Variants in PPP1R12A observed in about 807,000 individuals in gnomAD.
The protein encoded by PPP1R12A is protein phosphatase 1 regulatory subunit 12A.
In PPP1R12A, 19 loss-of-function variants were observed where a neutral mutation model predicts 139.6. That is an observed-to-expected ratio of 0.14 (90% CI 0.09 to 0.20). The LOEUF (loss-of-function observed/expected upper bound fraction) is 0.20, where lower values mean the gene tolerates loss of function less well. Among genes scored for constraint, PPP1R12A ranks in the 10% least tolerant of loss-of-function variants. PPP1R12A has a pLI of 1.00. For synonymous variants in PPP1R12A, 427 were observed against 420.6 expected (o/e 1.02, Z -0.19); for missense variants, 925 against 1,211.5 (o/e 0.76, Z 3.51).
At chr12:79,879,806 T>C (rs1165181674) in intron 1 of PPP1R12A, among the ~76,000 whole-genome samples, 1 of 152,092 alleles carries the variant, frequency 6.6e-6, no homozygotes, top group Non-Finnish European at 1.5e-5. Context: ...TATGTGAAAT[T>C]TCACTGAATT....
chr12:79,790,389 C>T, intron 20 of PPP1R12A, 78 bp downstream of exon 20: 1 of 1,015,948 alleles, frequency 9.8e-7, no homozygotes, highest in Non-Finnish European at 1.4e-6. Context: ...TTACAAAATC[C>T]ATAAATTCCT....
intron 1 of PPP1R12A, among the ~76,000 whole-genome samples, chr12:79,926,398 C>T (rs1184861745): frequency 6.6e-6 from 1 of 152,064 alleles, no homozygotes; most frequent in African/African-American, 2.4e-5. Flanking sequence ...GCCATGTTGG[C>T]CAGGTTGATC....
chr12:79,781,636 A>G (rs1179257442), intron 23 of PPP1R12A, among the ~76,000 whole-genome samples, 179 bp downstream of exon 23: 1 of 152,106 alleles, frequency 6.6e-6, no homozygotes, highest in Non-Finnish European at 1.5e-5. Flanking sequence ...AGGTCATTTC[A>G]TACCTAGAGA....
chr12:79,825,544 A>G (rs564620995), intron 5 of PPP1R12A: 1 of 151,992 alleles, frequency 6.6e-6, no homozygotes, highest in East Asian at 1.9e-4. Context: ...ATCTCTAAAT[A>G]TTTTTAGACC....
In PPP1R12A at chr12:79,912,020, T is replaced by C. The variant is rs536972153; in HGVS notation, c.237+22675A>G. ...TATACTGTTTGCTATACCATTCTTC[T>C]CACCCCCTGTGCTCCAGTCACACTG... On this transcript the variant is annotated intron_variant, in intron 1 of 24. Transcript: ENST00000450142. 1.4e-3 allele frequency among the ~76,000 whole-genome samples: 218 copies of C among 152,308 alleles called. 1 individual carries two copies. Among genetic ancestry groups the C allele is most frequent in the African/African-American group, 5.1e-3 (212 of 41,568 alleles).
intron 1 of PPP1R12A, among the ~76,000 whole-genome samples, chr12:79,911,267 C>A (rs1886539458): frequency 6.6e-6 from 1 of 152,196 alleles, no homozygotes; most frequent in Non-Finnish European, 1.5e-5. Flanking sequence ...CCTGAGATTC[C>A]ATTTCTATCA....
intron 4 of PPP1R12A, among the ~76,000 whole-genome samples, chr12:79,831,852 A>G (rs1032742909): frequency 6.6e-6 from 1 of 152,212 alleles, no homozygotes; most frequent in African/African-American, 2.4e-5. Flanking sequence ...ATGGCTTAAT[A>G]TTTTATAGTG....
chr12:79,802,860 C>T (rs1032832392), intron 14 of PPP1R12A, among the ~76,000 whole-genome samples: 6 of 152,172 alleles, frequency 3.9e-5, no homozygotes, highest in Admixed American at 2.0e-4. Flanking sequence ...TAAATATGAA[C>T]GTGAACTACT....
At chr12:79,868,390 T>C (rs1180203527) in intron 2 of PPP1R12A, among the ~76,000 whole-genome samples, 1 of 152,220 alleles carries the variant, frequency 6.6e-6, no homozygotes, top group Non-Finnish European at 1.5e-5. Flanking sequence ...TATGCCTTGA[T>C]GTGATAGTGG....
chr12:79,912,692 T>TA lies in PPP1R12A; in HGVS notation c.237+22002dup, dbSNP rs77850230. 2.3e-3 allele frequency among the ~76,000 whole-genome samples: 313 copies of TA among 134,300 alleles called. 1 individual carries two copies. Among genetic ancestry groups the TA allele is most frequent in the African/African-American group, 5.2e-3 (188 of 36,494 alleles). The allele number at this position is 134,300 out of a possible 152,430, so 88.1% of individuals were successfully genotyped here. A position where few individuals can be genotyped will look rare whatever the true frequency, so the allele number is the denominator to read the frequency against. On this transcript the variant is annotated intron_variant, in intron 1 of 24. Transcript: ENST00000450142. ...CTGGGTGACAGAGGAAAGCCTGATT[T>TA]AAAAAAAAAAAAAAAAGAAGAAATA...
chr12:79,823,229 T>A (rs1405878253), intron 5 of PPP1R12A, among the ~76,000 whole-genome samples: 1 of 152,130 alleles, frequency 6.6e-6, no homozygotes, highest in Non-Finnish European at 1.5e-5. Context: ...GCTTACAAGT[T>A]CATTATTTAG....
chr12:79,778,634 T>C, intron 23 of PPP1R12A, 34 bp from the exon 24 acceptor site: 1 of 1,361,256 alleles, frequency 7.3e-7, no homozygotes, highest in Non-Finnish European at 9.9e-7. Context: ...GTTAGTTATA[T>C]AATTATTATA....
At chr12:79,853,384 A>G (rs929561921) in intron 2 of PPP1R12A, among the ~76,000 whole-genome samples, 5 of 152,180 alleles carry the variant, frequency 3.3e-5, no homozygotes, top group African/African-American at 1.2e-4. Context: ...TTGGGTCCTG[A>G]GATCCCTAGC....
At chr12:79,802,698 T>C (rs1159650301) in intron 14 of PPP1R12A, among the ~76,000 whole-genome samples, 1 of 152,098 alleles carries the variant, frequency 6.6e-6, no homozygotes, top group Non-Finnish European at 1.5e-5. Flanking sequence ...AGAGGATCGC[T>C]TGAGCCCAGG....
At chr12:79,805,547 C>T (rs1873719010) in intron 14 of PPP1R12A, 45 bp downstream of exon 14, 1 of 1,548,518 alleles carries the variant, frequency 6.5e-7, no homozygotes, top group African/African-American at 1.4e-5. Flanking sequence ...CAACTTTCAT[C>T]ACTGGGCAAG....
At chr12:79,915,721 G>A (rs1886938334) in intron 1 of PPP1R12A, among the ~76,000 whole-genome samples, 1 of 151,904 alleles carries the variant, frequency 6.6e-6, no homozygotes, top group Admixed American at 6.6e-5. Context: ...AACTTTATCT[G>A]CTTAAACGTT....
chr12:79,803,115 A>T (rs1037247082), intron 14 of PPP1R12A, among the ~76,000 whole-genome samples: 5 of 152,208 alleles, frequency 3.3e-5, no homozygotes, highest in African/African-American at 1.2e-4. Context: ...TAAAATCTGC[A>T]CCTGCAGATA....
Position 79,774,121 on chromosome 12 carries a change from A to G in PPP1R12A, c.*1808T>C, listed in dbSNP as rs1869503341. The G allele has an allele frequency of 6.6e-6, 1 of 152,190 alleles. No individual in the cohort carries two copies. The highest frequency in any genetic ancestry group is 1.5e-5 in the Non-Finnish European group (1 of 68,022). The allele number at this position is 152,190 out of a possible 1,614,324, so 9.4% of individuals were successfully genotyped here. On this transcript the variant is annotated 3_prime_UTR_variant, in exon 25 of 25. Coordinates refer to ENST00000450142, the MANE Select transcript of PPP1R12A (RefSeq NM_002480.3). ...CATGTTGCAGTCACTCAAACTGATC[A>G]GTTATCTGTATATTTTACCTCCACA...
intron 20 of PPP1R12A, chr12:79,789,722 A>G: frequency 2.3e-6 from 1 of 440,374 alleles, no homozygotes; most frequent in Non-Finnish European, 4.5e-6. Flanking sequence ...GGAGATCAAA[A>G]TCAAGGATAT....
Sources: gnomAD v4.1 joint callset for allele counts (sites outside exome capture counted in the v4.1 genomes callset) on GRCh38, gnomAD v4.1.1 for gene constraint, MANE v1.5 for transcripts, NCBI Gene and HGNC (gene_info 2026-07-23, HGNC 2026-07-21) for gene names.